The following PPIL2 variants were observed in gnomAD, a reference collection of about 807,000 sequenced individuals.
The protein encoded by PPIL2 is peptidylprolyl isomerase like 2.
Under a neutral mutation model 75.2 loss-of-function variants are expected in PPIL2, and 50 were observed. The observed-to-expected ratio is 0.66, with a 90% confidence interval of 0.53 to 0.84. The LOEUF (loss-of-function observed/expected upper bound fraction) is 0.84, where lower values mean the gene tolerates loss of function less well. Ranked by LOEUF, PPIL2 falls within the 40% of genes least tolerant of loss-of-function variation. PPIL2 has a pLI of 0.00. For missense variants in PPIL2, 590 were observed against 685.0 expected, an observed-to-expected ratio of 0.86 and a Z score of 1.55; for synonymous variants, 245 against 258.8, an observed-to-expected ratio of 0.95 and a Z score of 0.51.
intron 4 of PPIL2, 29 bp downstream of exon 4, chr22:21,671,088 C>T: frequency 6.3e-7 from 1 of 1,583,096 alleles, no homozygotes; most frequent in South Asian, 1.1e-5. Flanking sequence ...TTTGATCTAA[C>T]AAATGTGAGA....
At chr22:21,687,112 C>G (rs995785680) in intron 12 of PPIL2, 114 bp downstream of exon 12, 2 of 1,043,394 alleles carry the variant, frequency 1.9e-6, no homozygotes, top group East Asian at 4.9e-5. Flanking sequence ...GGAAATTCAG[C>G]CTGTCACTAG....
intron 5 of PPIL2, among the ~76,000 whole-genome samples, chr22:21,674,744 G>A (rs1044520613): frequency 3.3e-5 from 5 of 152,174 alleles, no homozygotes; most frequent in Non-Finnish European, 5.9e-5. Flanking sequence ...TTTAATTTTA[G>A]AAGTAATCTG....
intron 14 of PPIL2, among the ~76,000 whole-genome samples, chr22:21,688,403 A>G (rs763129873): frequency 6.6e-6 from 1 of 152,192 alleles, no homozygotes; most frequent in Non-Finnish European, 1.5e-5. Flanking sequence ...CAAGCCCCTC[A>G]GCCTGGCAGC....
chr22:21,683,104 G>GTGT, intron 8 of PPIL2, 78 bp from the exon 9 acceptor site: 1 of 1,242,022 alleles, frequency 8.1e-7, no homozygotes, highest in East Asian at 2.3e-5. Context: ...TCTGACAGCT[G>GTGT]GCCGTCCTTT....
At chr22:21,685,974 A>C (rs2067341689) in intron 10 of PPIL2, among the ~76,000 whole-genome samples, 1 of 150,910 alleles carries the variant, frequency 6.6e-6, no homozygotes, top group African/African-American at 2.4e-5. Context: ...GATCAAGACT[A>C]GGTTAGACAA....
In PPIL2 at chr22:21,692,426, T is replaced by C. The variant is rs566232576; in HGVS notation, c.1140-1390T>C. Among the ~76,000 whole-genome samples, 47 of 151,730 alleles carry C rather than the reference T, an allele frequency of 3.1e-4. 1 individual carries two copies. Among genetic ancestry groups the C allele is most frequent in the East Asian group, 7.9e-4 (4 of 5,042 alleles). Reference sequence around the variant, plus strand: ...ACCTTGGCCTCCCAAAGTGCTGGGATTACAGGCGTGAGCCACTGTGCCTGG... The same window carrying C: ...ACCTTGGCCTCCCAAAGTGCTGGGACTACAGGCGTGAGCCACTGTGCCTGG... On this transcript the variant is annotated intron_variant, in intron 15 of 19. Transcript: ENST00000398831.
intron 1 of PPIL2, among the ~76,000 whole-genome samples, chr22:21,666,645 C>A (rs1251446168): frequency 6.6e-6 from 1 of 152,038 alleles, no homozygotes; most frequent in East Asian, 1.9e-4. Flanking sequence ...CCCGTCTCTA[C>A]TAAAAATACA....
At chr22:21,675,168 C>G in intron 6 of PPIL2, 53 bp downstream of exon 6, 1 of 1,447,766 alleles carries the variant, frequency 6.9e-7, no homozygotes, top group South Asian at 1.2e-5. Flanking sequence ...ACCCAAGGGC[C>G]CAGCTCTCAC....
chr22:21,698,578 T>A (rs2068025887), downstream of PPIL2: 1 of 152,312 alleles, frequency 6.6e-6, no homozygotes, highest in Admixed American at 6.6e-5. Context: ...GGTTCCCACA[T>A]GGGAGAGGAA....
At chr22:21,677,302 G>A (rs113509137) in intron 6 of PPIL2, among the ~76,000 whole-genome samples, 10,072 of 152,140 alleles carry the variant, frequency 0.066, 1,098 homozygotes, top group African/African-American at 0.23. Flanking sequence ...GGTGGCGGCC[G>A]GGCAGAGGCT....
chr22:21,680,844 A>AC, intron 6 of PPIL2, among the ~76,000 whole-genome samples: 1 of 148,130 alleles, frequency 6.8e-6, no homozygotes, highest in Middle Eastern at 3.4e-3. Context: ...AAAAAAAAAA[A>AC]AAAAAAAAAC....
At chr22:21,686,349 C>T (rs977547032) in intron 10 of PPIL2, 134 bp from the exon 11 acceptor site, 2 of 801,220 alleles carry the variant, frequency 2.5e-6, no homozygotes, top group African/African-American at 1.7e-5. Context: ...TTGGGGAGGC[C>T]CTCCTGGAGG....
intron 14 of PPIL2, 47 bp from the exon 15 acceptor site, chr22:21,688,685 C>T (rs767592080): frequency 8.3e-6 from 13 of 1,572,338 alleles, no homozygotes; most frequent in East Asian, 2.2e-5. Flanking sequence ...AGTTCTGCCT[C>T]GGCTGGGGCC....
chr22:21,671,020 A>C lies in PPIL2; in HGVS notation c.152A>C (p.Tyr51Ser), dbSNP rs745582053. 2.0e-5 allele frequency: 32 copies of C among 1,613,124 alleles called. 2 individuals are homozygous for C. In the South Asian group the frequency reaches 3.3e-4, roughly 17 times the overall value. ...HCSLSLQPFV[Y>S]PVCTPDGIVF... ...AGTCTCTCTCTGCAGCCCTTTGTCTACCCAGTCTGCACTCCCGATGGCATC... is the reference window on the plus strand; with the variant it reads ...AGTCTCTCTCTGCAGCCCTTTGTCTCCCCAGTCTGCACTCCCGATGGCATC... Residue 51 changes from tyrosine to serine, a missense_variant, in exon 4 of 20, where the codon TAC (tyrosine) becomes TCC (serine). Physicochemically the swap from Tyr to Ser is moderately radical, Grantham distance 144. Transcript: ENST00000398831.
At position 21,696,462 on chromosome 22, in the gene PPIL2, C is replaced by T; in HGVS notation, c.*972C>T. ...CTCTGCTCCTCCTGTCAGTCACTGA[C>T]TCTGATGGCCTTGGGCCAGCTGCAT... On this transcript the variant is annotated 3_prime_UTR_variant, in exon 20 of 20. Coordinates refer to ENST00000398831, the MANE Select transcript of PPIL2 (RefSeq NM_014337.4). 8.3e-7 allele frequency: 1 copy of T among 1,210,170 alleles called. No individual in the cohort carries two copies. Among genetic ancestry groups the T allele is most frequent in the Non-Finnish European group, 1.0e-6 (1 of 959,446 alleles). 75.0% of individuals were successfully genotyped at this position (1,210,170 alleles called of 1,614,324 possible).
downstream of PPIL2, chr22:21,698,840 G>A (rs975610773): frequency 6.6e-6 from 1 of 152,520 alleles, no homozygotes; most frequent in Non-Finnish European, 1.5e-5. Context: ...AGGACAGGAT[G>A]TGCTGGGCCA....
rs1247431802 is a variant in PPIL2 at position 21,695,978 on chromosome 22, C to T, written c.*488C>T. On this transcript the variant is annotated 3_prime_UTR_variant, in exon 20 of 20. Transcript: ENST00000398831. ...CTGGGACTACAGCCGTGCACCACTA[C>T]ATCCAGCTGTATATGTCTGGTTTTC... 3.8e-6 allele frequency: 2 copies of T among 533,308 alleles called. No individual in the cohort carries two copies. Among genetic ancestry groups the T allele is most frequent in the East Asian group, 1.2e-4 (1 of 8,354 alleles). 33.0% of individuals were successfully genotyped at this position (533,308 alleles called of 1,614,324 possible).
At chr22:21,683,144 C>G (rs530592896) in intron 8 of PPIL2, 38 bp from the exon 9 acceptor site, 3 of 1,560,830 alleles carry the variant, frequency 1.9e-6, no homozygotes, top group South Asian at 2.2e-5. Flanking sequence ...TGGCCGTAGG[C>G]TGGGTTCACT....
chr22:21,696,425 T>G lies in PPIL2; in HGVS notation c.*935T>G, dbSNP rs992287483. 1.4e-5 allele frequency: 16 copies of G among 1,179,608 alleles called. No homozygotes were observed. The African/African-American group carries it at 2.5e-4, about 19-fold the overall frequency. 73.1% of individuals were successfully genotyped at this position (1,179,608 alleles called of 1,614,324 possible). Reference sequence around the variant, plus strand: ...CCTTGCTGCTCTCAGGCCCGGCCACTGGGCTCCAAGACTCTGCTCCTCCTG... The same window carrying G: ...CCTTGCTGCTCTCAGGCCCGGCCACGGGGCTCCAAGACTCTGCTCCTCCTG... On this transcript the variant is annotated 3_prime_UTR_variant, in exon 20 of 20. Coordinates refer to ENST00000398831, the MANE Select transcript of PPIL2 (RefSeq NM_014337.4).
Sources: gnomAD v4.1 joint callset for allele counts (sites outside exome capture counted in the v4.1 genomes callset) on GRCh38, gnomAD v4.1.1 for gene constraint, MANE v1.5 for transcripts, NCBI Gene and HGNC (gene_info 2026-07-23, HGNC 2026-07-21) for gene names.